Variants in CUX1 observed in about 807,000 individuals in gnomAD.
CUX1 encodes protein CASP.
In CUX1, 31 loss-of-function variants were observed where a neutral mutation model predicts 158.8. The ratio of observed to expected loss-of-function variants is 0.20; its 90% CI spans 0.15 to 0.26. CUX1 has a LOEUF of 0.26. Ranked by LOEUF, CUX1 falls within the 10% of genes least tolerant of loss-of-function variation. The probability of loss-of-function intolerance (pLI) is 1.00; values close to 1 mark genes in which losing one functional copy is unlikely to be tolerated. For missense variants in CUX1, 1,589 were observed against 2,014.6 expected, an observed-to-expected ratio of 0.79 and a Z score of 4.04; for synonymous variants, 879 against 862.1, an observed-to-expected ratio of 1.02 and a Z score of -0.34.
chr7:102,266,670 G>T (rs1586500749), intron 14 of CUX1, among the ~76,000 whole-genome samples: 1 of 152,028 alleles, frequency 6.6e-6, no homozygotes, highest in South Asian at 2.1e-4. Flanking sequence ...AGGAAACAGG[G>T]CAGAGCAGCC....
At chr7:102,147,545 C>A (rs1835150891) in intron 8 of CUX1, among the ~76,000 whole-genome samples, 1 of 152,216 alleles carries the variant, frequency 6.6e-6, no homozygotes, top group South Asian at 2.1e-4. Flanking sequence ...AAAAGCGAAT[C>A]ATTTTCCTTC....
chr7:102,267,469 G>C (rs140192295), intron 14 of CUX1, among the ~76,000 whole-genome samples: 343 of 152,122 alleles, frequency 2.3e-3, no homozygotes, highest in African/African-American at 8.0e-3. Context: ...GGGAGAGAGA[G>C]GTTGCAGAGA....
chr7:101,954,715 A>G (rs879622012), intron 2 of CUX1, among the ~76,000 whole-genome samples: 4 of 152,168 alleles, frequency 2.6e-5, no homozygotes, highest in Non-Finnish European at 5.9e-5. Context: ...GCTTAGACCA[A>G]CTTCCAGAAT....
At chr7:101,816,405 GCGCCGC>G (rs970722250), upstream of CUX1, among the ~76,000 whole-genome samples, 1 of 141,992 alleles carries the variant, frequency 7.0e-6, no homozygotes, top group Non-Finnish European at 1.6e-5. Flanking sequence ...CCCGGGCCCC[GCGCCGC>G]CGCCGCCGCC....
chr7:101,970,864 C>G (rs777887828), intron 2 of CUX1, among the ~76,000 whole-genome samples: 3 of 152,130 alleles, frequency 2.0e-5, no homozygotes, highest in Non-Finnish European at 4.4e-5. Context: ...CTGAACCTTC[C>G]CATTTCTAAT....
chr7:102,006,323 C>T (rs971501645), intron 2 of CUX1, among the ~76,000 whole-genome samples: 2 of 152,146 alleles, frequency 1.3e-5, no homozygotes, highest in African/African-American at 4.8e-5. Flanking sequence ...GACCACGCCT[C>T]AGTGCTCCCT....
chr7:101,888,286 G>A (rs188175896), intron 1 of CUX1, among the ~76,000 whole-genome samples: 2 of 152,024 alleles, frequency 1.3e-5, no homozygotes, highest in East Asian at 1.9e-4. Context: ...AGCCGAGATC[G>A]TGCCACTGCA....
intron 8 of CUX1, among the ~76,000 whole-genome samples, 199 bp from the exon 9 acceptor site, chr7:102,158,361 A>C (rs1790019772): frequency 6.6e-6 from 1 of 152,102 alleles, no homozygotes; most frequent in African/African-American, 2.4e-5. Context: ...CGCACCAGAC[A>C]CATGATTATC....
In CUX1 at chr7:102,199,953, T is replaced by C. The variant is rs1795233442; in HGVS notation, c.1961-118T>C. On this transcript the variant is annotated intron_variant, in intron 16 of 23. Coordinates refer to ENST00000292535, the MANE Select transcript of CUX1 (RefSeq NM_181552.4). ...ACACAGGCCACTGGGAGGCCACATCTGCCTCCTTGTGTCACCAGCCCCCAC... is the reference window on the plus strand; with the variant it reads ...ACACAGGCCACTGGGAGGCCACATCCGCCTCCTTGTGTCACCAGCCCCCAC... 1.8e-5 allele frequency: 13 copies of C among 733,034 alleles called. No individual in the cohort carries two copies. The South Asian group carries it at 2.6e-4, about 15-fold the overall frequency. The allele number at this position is 733,034 out of a possible 1,614,324, so 45.4% of individuals were successfully genotyped here. A position where few individuals can be genotyped will look rare whatever the true frequency, so the allele number is the denominator to read the frequency against.
intron 3 of CUX1, among the ~76,000 whole-genome samples, chr7:102,041,499 C>G (rs897233931): frequency 6.6e-6 from 1 of 151,448 alleles, no homozygotes; most frequent in African/African-American, 2.4e-5. Context: ...AGTGATCAAC[C>G]CGCCTTGGCC....
At chr7:101,893,747 C>T (rs1584905227) in intron 1 of CUX1, among the ~76,000 whole-genome samples, 2 of 152,172 alleles carry the variant, frequency 1.3e-5, no homozygotes, top group African/African-American at 4.8e-5. Context: ...AAAAGATTGT[C>T]AGCACTATGT....
intron 9 of CUX1, among the ~76,000 whole-genome samples, chr7:102,166,332 C>T (rs1791028352): frequency 1.3e-5 from 2 of 152,166 alleles, no homozygotes; most frequent in Non-Finnish European, 2.9e-5. Context: ...GGACAGTGCT[C>T]AGGCTTGGCG....
intron 22 of CUX1, among the ~76,000 whole-genome samples, chr7:102,238,327 T>TA (rs1799814929): frequency 6.6e-6 from 1 of 152,186 alleles, no homozygotes. Context: ...ACGCTGGCGT[T>TA]ACCTCTAGAC....
rs1014970824 is a variant in CUX1 at position 101,869,834 on chromosome 7, G to A, written c.31-46281G>A. 6.6e-6 allele frequency among the ~76,000 whole-genome samples: 1 copy of A among 152,118 alleles called. No homozygotes were observed. ...TCAGCTTTCCCCGTGGCTCCCCTCC[G>A]CCAAATCTTAAATCCTCTTGTTAAG... On this transcript the variant is annotated intron_variant, in intron 1 of 23. Coordinates refer to ENST00000292535, the MANE Select transcript of CUX1 (RefSeq NM_181552.4). This position sits in a 1 kb window ranked among gnomAD's most constrained non-coding sequence, Gnocchi z 4.5.
At chr7:101,900,084 G>A (rs1801976172) in intron 1 of CUX1, among the ~76,000 whole-genome samples, 1 of 152,240 alleles carries the variant, frequency 6.6e-6, no homozygotes, top group Non-Finnish European at 1.5e-5. Flanking sequence ...GATGCTGACA[G>A]CTGGAGTCAC....
intron 14 of CUX1, among the ~76,000 whole-genome samples, chr7:102,269,212 T>C (rs1791031765): frequency 6.6e-6 from 1 of 151,942 alleles, no homozygotes; most frequent in Non-Finnish European, 1.5e-5. Flanking sequence ...TGGGCTCCAG[T>C]GATCCTCCCT....
intron 4 of CUX1, among the ~76,000 whole-genome samples, chr7:102,088,332 T>C (rs1373329377): frequency 6.6e-6 from 1 of 152,152 alleles, no homozygotes; most frequent in South Asian, 2.1e-4. Context: ...TTGTCAGATA[T>C]AAAATAGTTT....
chr7:102,269,782 G>C (rs1167560410), intron 14 of CUX1, among the ~76,000 whole-genome samples: 1 of 151,862 alleles, frequency 6.6e-6, no homozygotes, highest in African/African-American at 2.4e-5. Flanking sequence ...TCTCTAAGAA[G>C]TTCCAAACTT....
rs782700831 is a variant in CUX1, at chr7:102,223,708, C to T, written c.3131-3659C>T. ...AAAGGGTCAGGCGCGGTGGCTCACA[C>T]CTGTAATCCCAGCACTTTGGGAGGC... On this transcript the variant is annotated intron_variant, in intron 20 of 23. Coordinates refer to ENST00000292535, the MANE Select transcript of CUX1 (RefSeq NM_181552.4). Among the ~76,000 whole-genome samples the T allele has an allele frequency of 7.9e-5, 12 of 152,268 alleles. No homozygotes were observed. The South Asian group carries it at 1.9e-3, about 24-fold the overall frequency.
Sources: allele counts gnomAD v4.1 joint callset (sites outside exome capture counted in the v4.1 genomes callset), GRCh38; gene constraint gnomAD v4.1.1; non-coding constraint Gnocchi (gnomAD v3.1); transcripts MANE v1.5; gene names NCBI Gene and HGNC (gene_info 2026-07-23, HGNC 2026-07-21).